SDC3: variants seen among roughly 807,000 people sequenced by gnomAD.
SDC3 encodes syndecan 3, also known as syndecan-3.
Under a neutral mutation model 24.4 loss-of-function variants are expected in SDC3, and 13 were observed. That is an observed-to-expected ratio of 0.53 (90% CI 0.35 to 0.85). The LOEUF (loss-of-function observed/expected upper bound fraction) is 0.85, where lower values mean the gene tolerates loss of function less well. SDC3 is among the 40% of genes least tolerant of loss of function. The pLI is 0.01. For synonymous variants in SDC3, 295 were observed against 260.9 expected (o/e 1.13, Z -1.26); for missense variants, 571 against 584.5 (o/e 0.98, Z 0.24).
chr1:30,909,670 G>C (rs1437141827), upstream of SDC3, among the ~76,000 whole-genome samples: 1 of 152,200 alleles, frequency 6.6e-6, no homozygotes, highest in African/African-American at 2.4e-5. Flanking sequence ...TTTTGTGTCT[G>C]TCTTGTTCAC....
chr1:30,885,485 G>A (rs1162592510), intron 1 of SDC3, among the ~76,000 whole-genome samples: 1 of 152,156 alleles, frequency 6.6e-6, no homozygotes, highest in Non-Finnish European at 1.5e-5. Flanking sequence ...ATTAGAGAGC[G>A]CACATCCTCC....
chr1:30,879,636 G>C (rs762823495), intron 1 of SDC3, among the ~76,000 whole-genome samples: 1 of 152,134 alleles, frequency 6.6e-6, no homozygotes, highest in Non-Finnish European at 1.5e-5. Context: ...AATGGGGACT[G>C]AGCAGGGACC....
Position 30,876,554 on chromosome 1 carries a change from G to A in SDC3, c.868C>T (p.Gln290Ter). ...TTAPGPTEVA[Q>*]TPTPETFLTT... ...CTGTCCCTTCTCAACACCCTCACCT[G>A]AGCCACCTCTGTGGGTCCAGGGGCA... Residue 290 changes from glutamine to a stop codon, truncating the protein, a stop_gained and splice_region_variant, in exon 3 of 5, where the codon CAG (glutamine) becomes TAG (stop). Transcript: ENST00000339394. LOFTEE classifies it high-confidence loss of function. The A allele has an allele frequency of 6.6e-7, 1 of 1,512,064 alleles. No homozygotes were observed. Among genetic ancestry groups the A allele is most frequent in the Non-Finnish European group, 8.8e-7 (1 of 1,130,656 alleles). 93.7% of individuals were successfully genotyped at this position (1,512,064 alleles called of 1,614,324 possible). A position where few individuals can be genotyped will look rare whatever the true frequency, so the allele number is the denominator to read the frequency against.
chr1:30,890,705 G>A (rs922812751), intron 1 of SDC3, among the ~76,000 whole-genome samples: 1 of 152,312 alleles, frequency 6.6e-6, no homozygotes, highest in African/African-American at 2.4e-5. Context: ...GCTCAGAGAG[G>A]ACAAGAAACT....
At position 30,884,312 on chromosome 1, in the gene SDC3, A is replaced by G. The variant is rs578209502; in HGVS notation, c.139-5572T>C. 7.4e-5 allele frequency among the ~76,000 whole-genome samples: 11 copies of G among 148,670 alleles called. No homozygotes were observed. In the East Asian group the frequency reaches 2.2e-3, roughly 30 times the overall value. Reference sequence around the variant, plus strand: ...AAAAATCCACCAAGCCCAGACACACACCCTCCCACTCGCCCCAACTCACAC... The same window carrying G: ...AAAAATCCACCAAGCCCAGACACACGCCCTCCCACTCGCCCCAACTCACAC... On this transcript the variant is annotated intron_variant, in intron 1 of 4. Coordinates refer to ENST00000339394, the MANE Select transcript of SDC3 (RefSeq NM_014654.4).
intron 1 of SDC3, among the ~76,000 whole-genome samples, chr1:30,885,939 C>T (rs551162278): frequency 6.6e-5 from 10 of 152,330 alleles, no homozygotes; most frequent in African/African-American, 1.7e-4. Context: ...AGGGCTGGGA[C>T]GCCTCCGTCA....
intron 1 of SDC3, among the ~76,000 whole-genome samples, chr1:30,879,650 G>T (rs565340323): frequency 2.6e-5 from 4 of 152,234 alleles, no homozygotes; most frequent in African/African-American, 7.2e-5. Context: ...AGGGACCCAG[G>T]CTCCGGCTCC....
chr1:30,878,819 C>A, intron 1 of SDC3, 79 bp from the exon 2 acceptor site: 1 of 1,133,116 alleles, frequency 8.8e-7, no homozygotes, highest in Non-Finnish European at 1.3e-6. Flanking sequence ...CGACAGGTGC[C>A]CTTGTGGGCT....
chr1:30,894,525 TGGGTGAGAGTGTGC>T (rs1328937453), intron 1 of SDC3, among the ~76,000 whole-genome samples: 4 of 102,560 alleles, frequency 3.9e-5, no homozygotes, highest in East Asian at 6.0e-4. Flanking sequence ...AGAGTGTGAG[TGGGTGAGAGTGTGC>T]GTGGATGAGT....
At chr1:30,905,990 AAG>A (rs1638512841) in intron 1 of SDC3, among the ~76,000 whole-genome samples, 1 of 117,286 alleles carries the variant, frequency 8.5e-6, no homozygotes, top group Non-Finnish European at 1.9e-5. Flanking sequence ...CACACACACA[AAG>A]GCTGGCAGGT....
At chr1:30,890,263 T>C (rs1639885927) in intron 1 of SDC3, among the ~76,000 whole-genome samples, 2 of 152,074 alleles carry the variant, frequency 1.3e-5, no homozygotes, top group African/African-American at 4.8e-5. Flanking sequence ...GCCGAGATCA[T>C]GCCATTGCAC....
At chr1:30,886,406 G>T (rs1203672274) in intron 1 of SDC3, among the ~76,000 whole-genome samples, 1 of 152,016 alleles carries the variant, frequency 6.6e-6, no homozygotes, top group East Asian at 1.9e-4. Context: ...TCCAAATTAG[G>T]AAGTCCTTTC....
intron 1 of SDC3, among the ~76,000 whole-genome samples, chr1:30,905,251 G>C (rs1013524155): frequency 1.3e-4 from 19 of 151,816 alleles, no homozygotes; most frequent in Non-Finnish European, 2.6e-4. Flanking sequence ...AGGAAGGAAC[G>C]GAAACCACCA....
At chr1:30,892,000 A>G (rs1425144042) in intron 1 of SDC3, among the ~76,000 whole-genome samples, 8 of 151,946 alleles carry the variant, frequency 5.3e-5, no homozygotes, top group African/African-American at 9.7e-5. Flanking sequence ...CAGGGAGCCA[A>G]AGAAAACCCA....
At chr1:30,876,359 C>T (rs1639636167) in intron 3 of SDC3, among the ~76,000 whole-genome samples, 193 bp downstream of exon 3, 1 of 152,198 alleles carries the variant, frequency 6.6e-6, no homozygotes, top group Non-Finnish European at 1.5e-5. Flanking sequence ...GATCCAACCA[C>T]CCCAGCCCTC....
At chr1:30,893,973 C>CCA (rs960699186) in intron 1 of SDC3, among the ~76,000 whole-genome samples, 20 of 151,984 alleles carry the variant, frequency 1.3e-4, no homozygotes, top group Non-Finnish European at 1.6e-4. Flanking sequence ...CTGAGGCCCT[C>CCA]CACACACACA....
chr1:30,887,517 T>C (rs914229522), intron 1 of SDC3, among the ~76,000 whole-genome samples: 1 of 151,974 alleles, frequency 6.6e-6, no homozygotes, highest in Non-Finnish European at 1.5e-5. Context: ...CACTCAAAGC[T>C]CACCTCCCTG....
intron 1 of SDC3, among the ~76,000 whole-genome samples, chr1:30,885,576 C>A (rs971624411): frequency 2.6e-5 from 4 of 152,166 alleles, no homozygotes. Context: ...TGAGACTGTT[C>A]GTGAGGGACC....
chr1:30,883,512 C>G (rs1639776779), intron 1 of SDC3, among the ~76,000 whole-genome samples: 1 of 152,188 alleles, frequency 6.6e-6, no homozygotes, highest in African/African-American at 2.4e-5. Flanking sequence ...TGTTACTTAA[C>G]CTCTCTGAGC....
Sources: allele counts gnomAD v4.1 joint callset (sites outside exome capture counted in the v4.1 genomes callset), GRCh38; gene constraint gnomAD v4.1.1; transcripts MANE v1.5; gene names NCBI Gene and HGNC (gene_info 2026-07-23, HGNC 2026-07-21).